Variants in GPC1 observed in about 807,000 individuals in gnomAD.
GPC1 encodes the protein glypican-1.
In GPC1, 26 loss-of-function variants were observed where a neutral mutation model predicts 51.5. That is an observed-to-expected ratio of 0.50 (90% CI 0.37 to 0.70). The LOEUF (loss-of-function observed/expected upper bound fraction) is 0.70, where lower values mean the gene tolerates loss of function less well. GPC1 is among the 30% of genes least tolerant of loss of function. GPC1 has a pLI of 0.00. For missense variants in GPC1, 775 were observed against 800.5 expected (o/e 0.97, Z 0.38); for synonymous variants, 380 against 348.3 (o/e 1.09, Z -1.01).
intron 1 of GPC1, among the ~76,000 whole-genome samples, chr2:240,441,806 C>T (rs1296877020): frequency 6.6e-6 from 1 of 152,158 alleles, no homozygotes; most frequent in East Asian, 1.9e-4. Context: ...GCGGGCGGTT[C>T]TCCCTCCACC....
chr2:240,440,354 G>A (rs1014054689), intron 1 of GPC1, among the ~76,000 whole-genome samples: 1 of 152,196 alleles, frequency 6.6e-6, no homozygotes, highest in East Asian at 1.9e-4. Flanking sequence ...ACCGAAGCCT[G>A]GTGAAGCGCT....
At chr2:240,453,658 C>T (rs1207909640) in intron 1 of GPC1, among the ~76,000 whole-genome samples, 3 of 147,972 alleles carry the variant, frequency 2.0e-5, no homozygotes, top group African/African-American at 7.4e-5. Context: ...CCGCCCCCTT[C>T]CCTCCCCGCC....
At chr2:240,437,284 G>T (rs1397591196) in intron 1 of GPC1, among the ~76,000 whole-genome samples, 1 of 152,166 alleles carries the variant, frequency 6.6e-6, no homozygotes, top group Non-Finnish European at 1.5e-5. Flanking sequence ...AGGCAGTCGG[G>T]CTCTGGACCC....
intron 1 of GPC1, among the ~76,000 whole-genome samples, chr2:240,443,517 CAGG>C (rs776023693): frequency 1.3e-5 from 2 of 152,136 alleles, no homozygotes; most frequent in Non-Finnish European, 2.9e-5. Flanking sequence ...CCTGCTCCTT[CAGG>C]AGGAGGAGAC....
intron 1 of GPC1, among the ~76,000 whole-genome samples, chr2:240,439,873 A>T (rs1361967310): frequency 1.3e-5 from 2 of 152,204 alleles, no homozygotes; most frequent in South Asian, 4.1e-4. Flanking sequence ...CATCATCCCC[A>T]GCGTGAGGAC....
At chr2:240,450,528 G>C in intron 1 of GPC1, 1 of 459,322 alleles carries the variant, frequency 2.2e-6, no homozygotes, top group Non-Finnish European at 4.6e-6. Flanking sequence ...AAATGACTCG[G>C]CTTAACCCCC....
Position 240,448,383 on chromosome 2 carries a change from T to A in GPC1, c.167-10647T>A, listed in dbSNP as rs1253768889. On this transcript the variant is annotated intron_variant, in intron 1 of 8. Transcript: ENST00000264039. This position sits in a 1 kb window ranked among gnomAD's most constrained non-coding sequence, Gnocchi z 4.5. ...TGCCAGGCAGTCCGGGTGTAGATAG[T>A]CCCTGCCAGGCAGTCCAGGTGTAGA... Among the ~76,000 whole-genome samples, 1 of 151,704 alleles carries A rather than the reference T, an allele frequency of 6.6e-6. No homozygotes were observed. The highest frequency in any genetic ancestry group is 1.5e-5 in the Non-Finnish European group (1 of 67,912).
intron 3 of GPC1, 132 bp from the exon 4 acceptor site, chr2:240,463,215 C>G: frequency 2.8e-6 from 2 of 712,546 alleles, no homozygotes; most frequent in Non-Finnish European, 4.7e-6. Context: ...GCGACCACCA[C>G]GAGCTGGGGC....
rs2073979046 is a variant in GPC1, at chr2:240,435,778, C to T, written c.-141C>T. 2 of 465,372 alleles carry T rather than the reference C, an allele frequency of 4.3e-6. No individual in the cohort carries two copies. The highest frequency in any genetic ancestry group is 4.1e-5 in the African/African-American group (2 of 48,506). 28.8% of individuals were successfully genotyped at this position (465,372 alleles called of 1,614,324 possible). A position where few individuals can be genotyped will look rare whatever the true frequency, so the allele number is the denominator to read the frequency against. On this transcript the variant is annotated 5_prime_UTR_variant, in exon 1 of 9. Coordinates refer to ENST00000264039, the MANE Select transcript of GPC1 (RefSeq NM_002081.3). ...CCGCCGGCTTTTGTTGTCTCCGCCTCCTCGGCCGCCGCCGCCTCTGGACCG... is the reference window on the plus strand; with the variant it reads ...CCGCCGGCTTTTGTTGTCTCCGCCTTCTCGGCCGCCGCCGCCTCTGGACCG...
intron 1 of GPC1, chr2:240,456,231 C>A (rs2074161486): frequency 7.9e-6 from 2 of 254,324 alleles, no homozygotes; most frequent in Non-Finnish European, 1.6e-5. Context: ...CCCCTCAGAA[C>A]CTGCAGGTGG....
At chr2:240,443,233 A>G (rs1025456772) in intron 1 of GPC1, among the ~76,000 whole-genome samples, 2 of 152,362 alleles carry the variant, frequency 1.3e-5, no homozygotes, top group South Asian at 4.1e-4. Flanking sequence ...GTCGTGGTTC[A>G]GTGGTGTGAG....
intron 1 of GPC1, chr2:240,455,879 C>T (rs563646637): frequency 2.4e-4 from 71 of 293,018 alleles, no homozygotes; most frequent in South Asian, 1.8e-3. Context: ...AGCGGGAGGC[C>T]TCCTGCCTTT....
In GPC1 at chr2:240,435,821, G is replaced by T; in HGVS notation, c.-98G>T. 1 of 788,658 alleles carries T rather than the reference G, an allele frequency of 1.3e-6. No individual in the cohort carries two copies. The highest frequency in any genetic ancestry group is 6.2e-5 in the South Asian group (1 of 16,158). The allele number at this position is 788,658 out of a possible 1,614,324, so 48.9% of individuals were successfully genotyped here. A position where few individuals can be genotyped will look rare whatever the true frequency, so the allele number is the denominator to read the frequency against. On this transcript the variant is annotated 5_prime_UTR_variant, in exon 1 of 9. Transcript: ENST00000264039. The stretch of plus-strand genomic sequence containing the variant: ...CTGGACCGCGAGCCGCGCGCGCCGG[G>T]ACCTTGGCTCTGCCCTTCGCGGGCG...
intron 1 of GPC1, among the ~76,000 whole-genome samples, chr2:240,441,782 C>T (rs1465678185): frequency 6.6e-6 from 1 of 152,170 alleles, no homozygotes; most frequent in Non-Finnish European, 1.5e-5. Context: ...GGTGTTGAGG[C>T]TTGGGCCAGG....
At chr2:240,459,397 AC>A (rs1402935967) in intron 2 of GPC1, among the ~76,000 whole-genome samples, 1 of 151,460 alleles carries the variant, frequency 6.6e-6, no homozygotes, top group East Asian at 2.0e-4. Context: ...AGGGTTTGAC[AC>A]CCCCCTGGGA....
At chr2:240,440,311 G>A (rs1049984074) in intron 1 of GPC1, among the ~76,000 whole-genome samples, 17 of 152,222 alleles carry the variant, frequency 1.1e-4, no homozygotes, top group African/African-American at 4.1e-4. Context: ...CAGACGGAAG[G>A]GGTCTTTGTA....
At chr2:240,447,780 C>G (rs1411778257) in intron 1 of GPC1, among the ~76,000 whole-genome samples, 1 of 152,170 alleles carries the variant, frequency 6.6e-6, no homozygotes, top group Non-Finnish European at 1.5e-5. Flanking sequence ...TCAGGGAGGC[C>G]TATTCTTTCT....
intron 1 of GPC1, chr2:240,458,515 G>C: frequency 5.6e-6 from 1 of 177,170 alleles, no homozygotes; most frequent in Admixed American, 5.4e-5. Context: ...TCGTGCCTGG[G>C]GTCCTGCAGG....
rs1287379478 is a variant in GPC1 at position 240,458,679 on chromosome 2, G to A, written c.167-351G>A. On this transcript the variant is annotated intron_variant, in intron 1 of 8. Transcript: ENST00000264039. ...TGGGCCCAGGCAAGGGGTGCCTTTC[G>A]GGCCTGGGAGCCTTCTCCACACTTG... The A allele has an allele frequency of 3.4e-5, 8 of 238,806 alleles. No homozygotes were observed. The East Asian group carries it at 3.4e-4, about 10-fold the overall frequency. 14.8% of individuals were successfully genotyped at this position (238,806 alleles called of 1,614,324 possible). A position where few individuals can be genotyped will look rare whatever the true frequency, so the allele number is the denominator to read the frequency against.
Sources: allele counts gnomAD v4.1 joint callset (sites outside exome capture counted in the v4.1 genomes callset), GRCh38; gene constraint gnomAD v4.1.1; non-coding constraint Gnocchi (gnomAD v3.1); transcripts MANE v1.5; gene names NCBI Gene and HGNC (gene_info 2026-07-23, HGNC 2026-07-21).